MARK3: variants seen among roughly 807,000 people sequenced by gnomAD.
MARK3 encodes the protein MAP/microtubule affinity-regulating kinase 3.
Under a neutral mutation model 90.1 loss-of-function variants are expected in MARK3, and 46 were observed. The observed-to-expected ratio is 0.51, with a 90% CI of 0.40 to 0.65. The LOEUF (loss-of-function observed/expected upper bound fraction) is 0.65. Ranked by LOEUF, MARK3 falls within the 30% of genes least tolerant of loss-of-function variation. The probability of loss-of-function intolerance (pLI) is 0.00; values close to 1 mark genes in which losing one functional copy is unlikely to be tolerated. For missense variants in MARK3, 818 were observed against 947.2 expected, an observed-to-expected ratio of 0.86 and a Z score of 1.79; for synonymous variants, 321 against 332.6, an observed-to-expected ratio of 0.97 and a Z score of 0.38.
In MARK3 at chr14:103,502,939, A is replaced by G. The variant is rs751700495; in HGVS notation, c.1974A>G (p.Leu658=). Residue 658 remains leucine (L), a synonymous_variant, in exon 18 of 18, where the codon CTA becomes CTG. Transcript: ENST00000429436. ...DENKEAKPRS[L]RFTWSMKTTS... is the part of the protein sequence containing the mutation. The stretch of plus-strand genomic sequence containing the variant: ...ACAAAGAAGCAAAGCCTCGATCCCT[A>G]CGCTTCACCTGGAGCATGAAAACCA... 12 of 1,614,240 alleles carry G rather than the reference A, an allele frequency of 7.4e-6. No homozygotes were observed. Among genetic ancestry groups the G allele is most frequent in the Admixed American group, 1.7e-5 (1 of 60,028 alleles).
At chr14:103,428,165 A>T (rs2092470588) in intron 2 of MARK3, among the ~76,000 whole-genome samples, 1 of 152,292 alleles carries the variant, frequency 6.6e-6, no homozygotes, top group South Asian at 2.1e-4. Flanking sequence ...TCTTGTATTT[A>T]GGGTAGGGAG....
chr14:103,448,843 A>T, intron 3 of MARK3, 76 bp from the exon 4 acceptor site: 1 of 1,395,468 alleles, frequency 7.2e-7, no homozygotes, highest in Non-Finnish European at 9.7e-7. Flanking sequence ...ATTTAAATTT[A>T]TATTACAACA....
chr14:103,402,630 A>G (rs759962888), intron 1 of MARK3, among the ~76,000 whole-genome samples: 11 of 152,150 alleles, frequency 7.2e-5, no homozygotes, highest in Non-Finnish European at 1.6e-4. Flanking sequence ...TATTTCATCA[A>G]TTTGACTGCC....
At position 103,466,059 on chromosome 14, in the gene MARK3, G is replaced by A. The variant is rs538619934; in HGVS notation, c.865G>A (p.Val289Met). 1.2e-6 allele frequency: 2 copies of A among 1,613,932 alleles called. No individual in the cohort carries two copies. The highest frequency in any genetic ancestry group is 1.1e-5 in the South Asian group (1 of 91,066). ...DCENLLKRFL[V>M]LNPIKRGTLE... ...TGAAAACCTTCTCAAACGTTTCCTG[G>A]TGCTAAATCCAATTAAACGCGGCAC... Residue 289 changes from valine (V) to methionine (M), a missense_variant, in exon 9 of 18, where the codon GTG becomes ATG. Around this residue, in one of 3 missense-constraint regions of MARK3, gnomAD observed 560 missense variants for 613.5 expected, o/e 0.91. Coordinates refer to ENST00000429436, the MANE Select transcript of MARK3 (RefSeq NM_001128918.3).
At chr14:103,389,944 A>T (rs2090116716) in intron 1 of MARK3, among the ~76,000 whole-genome samples, 2 of 54,534 alleles carry the variant, frequency 3.7e-5, no homozygotes, top group African/African-American at 2.5e-4. Context: ...ACTCCGTCTC[A>T]AAAAAAAAAA....
In MARK3 at chr14:103,491,984, C is replaced by G. The variant is rs374315370; in HGVS notation, c.1794C>G (p.Ser598Arg). The G allele has an allele frequency of 6.2e-7, 1 of 1,614,066 alleles. No homozygotes were observed. The highest frequency in any genetic ancestry group is 1.3e-5 in the African/African-American group (1 of 74,926). Residue 598 changes from serine to arginine, a missense_variant, in exon 15 of 18, where the codon AGC becomes AGG. Physicochemically the swap from Ser to Arg is moderately radical, Grantham distance 110 (BLOSUM62 -1). Transcript: ENST00000429436. ...HEATPLSQTRSRGSTNLFSKL... is the reference protein window; with the variant it reads ...HEATPLSQTRRRGSTNLFSKL... ...CCACACCATTGTCCCAGACTCGAAG[C>G]CGAGGCTCCACTAATCTCTTTAGTA...
chr14:103,392,586 T>C, intron 1 of MARK3, among the ~76,000 whole-genome samples: 1 of 152,146 alleles, frequency 6.6e-6, no homozygotes. Flanking sequence ...CTAACTAAAC[T>C]ATACTCCTTT....
At chr14:103,393,126 G>C (rs1192073602) in intron 1 of MARK3, among the ~76,000 whole-genome samples, 2 of 152,194 alleles carry the variant, frequency 1.3e-5, no homozygotes, top group Non-Finnish European at 2.9e-5. Context: ...GATTACAGGT[G>C]CCTGTTACCA....
At chr14:103,469,696 A>G (rs1268255395) in intron 12 of MARK3, among the ~76,000 whole-genome samples, 4 of 151,756 alleles carry the variant, frequency 2.6e-5, no homozygotes, top group African/African-American at 9.7e-5. Flanking sequence ...CAGGTGATCC[A>G]CCCACCTTGG....
intron 2 of MARK3, among the ~76,000 whole-genome samples, chr14:103,415,989 A>G (rs2091928481): frequency 6.6e-6 from 1 of 152,170 alleles, no homozygotes; most frequent in Non-Finnish European, 1.5e-5. Context: ...TTTCTATTGC[A>G]GTGATATATT....
At chr14:103,471,754 C>T (rs2093628576) in intron 12 of MARK3, among the ~76,000 whole-genome samples, 1 of 105,250 alleles carries the variant, frequency 9.5e-6, no homozygotes, top group Non-Finnish European at 1.9e-5. Context: ...TGGTGATCAT[C>T]TGATTTTCAA....
intron 12 of MARK3, among the ~76,000 whole-genome samples, chr14:103,473,340 CA>C (rs1430347159): frequency 6.6e-6 from 1 of 152,180 alleles, no homozygotes; most frequent in Non-Finnish European, 1.5e-5. Context: ...CAAATTAGTG[CA>C]AGTAAAACTG....
chr14:103,412,179 C>A, intron 2 of MARK3: 1 of 1,384,506 alleles, frequency 7.2e-7, no homozygotes, highest in Non-Finnish European at 9.9e-7. Context: ...GGACATTCTG[C>A]CAGTTTTTTC....
At chr14:103,458,893 A>G (rs947223980) in intron 6 of MARK3, 2 of 478,706 alleles carry the variant, frequency 4.2e-6, no homozygotes. Context: ...TAGTAAAACC[A>G]AAGTAAAAAT....
chr14:103,402,546 C>A (rs201090600), intron 1 of MARK3, among the ~76,000 whole-genome samples: 38 of 146,696 alleles, frequency 2.6e-4, no homozygotes, highest in South Asian at 4.3e-4. Flanking sequence ...GACTCCATCT[C>A]AAAAAAAAAA....
intron 1 of MARK3, among the ~76,000 whole-genome samples, chr14:103,391,587 A>T (rs2090245626): frequency 6.7e-6 from 1 of 150,248 alleles, no homozygotes. Flanking sequence ...TCTGTCGCCC[A>T]GGTTGGAGTG....
At chr14:103,468,789 C>CT (rs372468049) in intron 12 of MARK3, among the ~76,000 whole-genome samples, 46,711 of 138,654 alleles carry the variant, frequency 0.34, 7,932 homozygotes, top group Middle Eastern at 0.43. Context: ...TGTAGTTTTC[C>CT]TTTTTTTTTT....
intron 2 of MARK3, among the ~76,000 whole-genome samples, chr14:103,420,583 T>C (rs1413445803): frequency 6.6e-6 from 1 of 152,166 alleles, no homozygotes; most frequent in East Asian, 1.9e-4. Context: ...AGTTATAATT[T>C]TAACCATTTT....
chr14:103,470,453 C>CTTTTTTTTTTTTTTTTTTTTTT (rs1555396272), intron 12 of MARK3, among the ~76,000 whole-genome samples: 5 of 24,218 alleles, frequency 2.1e-4, no homozygotes, highest in East Asian at 2.5e-3. Flanking sequence ...GGAACTAAAT[C>CTTTTTTTTTTTTTTTTTTTTTT]TATTTTTTTT....
Sources: allele counts gnomAD v4.1 joint callset (sites outside exome capture counted in the v4.1 genomes callset), GRCh38; gene constraint gnomAD v4.1.1; regional missense constraint gnomAD v4.1.1; transcripts MANE v1.5; gene names NCBI Gene and HGNC (gene_info 2026-07-23, HGNC 2026-07-21).